IST1: variants seen among roughly 807,000 people sequenced by gnomAD.
IST1 encodes the protein IST1 factor associated with ESCRT-III, also known as IST1 homolog.
IST1 carries 23 observed loss-of-function variants against 37.0 expected under a neutral mutation model. The observed-to-expected ratio is 0.62, with a 90% CI of 0.45 to 0.88. IST1 has a LOEUF of 0.88. Among genes scored for constraint, IST1 ranks in the 40% least tolerant of loss-of-function variants. The pLI is 0.00. For missense variants in IST1, 488 were observed against 445.4 expected (o/e 1.10, Z -0.86); for synonymous variants, 180 against 161.7 (o/e 1.11, Z -0.86).
upstream of IST1, chr16:71,895,523 G>A (rs1298447659): frequency 8.1e-6 from 8 of 985,584 alleles, no homozygotes; most frequent in Non-Finnish European, 8.4e-6. Context: ...GAGGCCGAGG[G>A]AGTCGCCATT....
At chr16:71,911,881 C>T (rs1567466340) in intron 1 of IST1, among the ~76,000 whole-genome samples, 1 of 151,794 alleles carries the variant, frequency 6.6e-6, no homozygotes, top group African/African-American at 2.4e-5. Flanking sequence ...CATGCCATGG[C>T]GAATTTTTGT....
Position 71,900,525 on chromosome 16 carries a change from C to T in IST1, c.-16+4936C>T, listed in dbSNP as rs187201945. ...CAGGATGGGGAGGCTAACTAGCTCG[C>T]GAAGTCTCAGCGAGCTGAGTGATAA... On this transcript the variant is annotated intron_variant, in intron 1 of 9. Transcript: ENST00000378799. Among the ~76,000 whole-genome samples the T allele has an allele frequency of 3.0e-4, 46 of 151,870 alleles. 1 individual carries two copies. Among genetic ancestry groups the T allele is most frequent in the East Asian group, 7.7e-4 (4 of 5,164 alleles).
chr16:71,918,651 C>T lies in IST1; in HGVS notation c.357+1517C>T, dbSNP rs978645884. ...CAGGCTGGTCTCGAACTCCTGACCTCGTGATCCGCCTGCCTCGGCCTCCCA... is the reference window on the plus strand; with the variant it reads ...CAGGCTGGTCTCGAACTCCTGACCTTGTGATCCGCCTGCCTCGGCCTCCCA... On this transcript the variant is annotated intron_variant, in intron 4 of 9. Transcript: ENST00000378799. Among the ~76,000 whole-genome samples, 17 of 152,206 alleles carry T rather than the reference C, an allele frequency of 1.1e-4. 1 individual carries two copies. Among genetic ancestry groups the T allele is most frequent in the South Asian group, 4.1e-4 (2 of 4,824 alleles).
rs1030998549 is a variant in IST1 at position 71,907,631 on chromosome 16, T to C, written c.-15-7995T>C. Among the ~76,000 whole-genome samples the C allele has an allele frequency of 2.0e-5, 3 of 152,200 alleles. No homozygotes were observed. The East Asian group carries it at 5.8e-4, about 29-fold the overall frequency. On this transcript the variant is annotated intron_variant, in intron 1 of 9. Transcript: ENST00000378799. Reference sequence around the variant, plus strand: ...ATTAAGACATTAAGACCCCTTGCTGTTGTCCTACAGATCTGTAAGGCTTTG... The same window carrying C: ...ATTAAGACATTAAGACCCCTTGCTGCTGTCCTACAGATCTGTAAGGCTTTG...
upstream of IST1, chr16:71,894,724 T>G: frequency 3.9e-6 from 2 of 510,672 alleles, no homozygotes; most frequent in Non-Finnish European, 3.3e-6. Flanking sequence ...TTTGTAGCGA[T>G]GCGGTTTCAC....
intron 1 of IST1, among the ~76,000 whole-genome samples, chr16:71,897,165 C>T (rs534536049): frequency 1.4e-5 from 2 of 140,556 alleles, no homozygotes; most frequent in African/African-American, 2.6e-5. Flanking sequence ...TACAGGCCCA[C>T]GCCTGGCTTT....
chr16:71,894,929 G>A, upstream of IST1: 1 of 1,087,348 alleles, frequency 9.2e-7, no homozygotes, highest in South Asian at 1.3e-5. Context: ...GTGGTGCTGA[G>A]GAAACACTAC....
At chr16:71,897,172 CTTTTTTT>C (rs35671031) in intron 1 of IST1, among the ~76,000 whole-genome samples, 1 of 65,532 alleles carries the variant, frequency 1.5e-5, no homozygotes, top group Non-Finnish European at 2.8e-5. Flanking sequence ...CCACGCCTGG[CTTTTTTT>C]TTTTTTTTTT....
chr16:71,920,943 G>C (rs772837691), intron 5 of IST1, 121 bp downstream of exon 5: 2 of 770,694 alleles, frequency 2.6e-6, no homozygotes, highest in Non-Finnish European at 4.6e-6. Context: ...TTCATAGTGG[G>C]GTGAGGAGGA....
At chr16:71,895,858 C>T (rs1211121676) in intron 1 of IST1, among the ~76,000 whole-genome samples, 1 of 152,216 alleles carries the variant, frequency 6.6e-6, no homozygotes, top group African/African-American at 2.4e-5. Flanking sequence ...ATCCTCGAAG[C>T]CCCTTAACTT....
chr16:71,923,590 C>T (rs1597256479), intron 8 of IST1: 1 of 404,196 alleles, frequency 2.5e-6, no homozygotes, highest in East Asian at 4.7e-5. Context: ...GCTTTGTCTG[C>T]AATTAAGCCA....
upstream of IST1, chr16:71,894,917 CTG>C: frequency 8.4e-7 from 1 of 1,196,592 alleles, no homozygotes; most frequent in Non-Finnish European, 1.2e-6. Context: ...TCGCCAGAGA[CTG>C]TGGTGCTGAG....
At chr16:71,917,018 A>T (rs1395311571) in intron 3 of IST1, 29 bp from the exon 4 acceptor site, 1 of 1,436,242 alleles carries the variant, frequency 7.0e-7, no homozygotes, top group Admixed American at 1.9e-5. Flanking sequence ...GTTTTAAAGA[A>T]TGTTATATTA....
intron 9 of IST1, among the ~76,000 whole-genome samples, chr16:71,926,855 ATATAAAATAC>A (rs2037756722): frequency 6.6e-6 from 1 of 152,170 alleles, no homozygotes; most frequent in Admixed American, 6.5e-5. Context: ...CATGATCTTA[ATATAAAATAC>A]TAGATGGAAG....
intron 9 of IST1, among the ~76,000 whole-genome samples, chr16:71,925,596 G>A (rs1246841325): frequency 6.6e-6 from 1 of 152,116 alleles, no homozygotes; most frequent in Non-Finnish European, 1.5e-5. Context: ...TTACAGGCAT[G>A]AGCCACCGTG....
chr16:71,929,773 AAAT>A lies in IST1; in HGVS notation c.*1961_*1963del. On this transcript the variant is annotated 3_prime_UTR_variant, in exon 10 of 10. Transcript: ENST00000378799. ...TACCAAAGATTTTTAAAAAATTAGT[AAAT>A]GTAAAGATACTATTTCTTTAATAAT... 6 of 1,214,520 alleles carry A rather than the reference AAAT, an allele frequency of 4.9e-6. No individual in the cohort carries two copies. Among genetic ancestry groups the A allele is most frequent in the Non-Finnish European group, 6.8e-6 (6 of 884,390 alleles). 75.2% of individuals were successfully genotyped at this position (1,214,520 alleles called of 1,614,324 possible).
rs185582665 is a variant in IST1, at chr16:71,914,582, G to C, written c.-15-1044G>C. Among the ~76,000 whole-genome samples, 53 of 152,284 alleles carry C rather than the reference G, an allele frequency of 3.5e-4. No homozygotes were observed. The Middle Eastern group carries it at 0.031, about 88-fold the overall frequency. On this transcript the variant is annotated intron_variant, in intron 1 of 9. Transcript: ENST00000378799. Reference sequence around the variant, plus strand: ...AATTACTGGATTCCAGATACTTGATGACATAAATGCCCCATTTTAACCTGG... The same window carrying C: ...AATTACTGGATTCCAGATACTTGATCACATAAATGCCCCATTTTAACCTGG...
intron 1 of IST1, among the ~76,000 whole-genome samples, chr16:71,908,885 C>T (rs892141826): frequency 4.6e-5 from 7 of 152,108 alleles, no homozygotes; most frequent in African/African-American, 1.7e-4. Context: ...CATCCATCTG[C>T]TATTATTTTT....
At chr16:71,921,321 C>T (rs2037576928) in intron 5 of IST1, 22 bp from the exon 6 acceptor site, 3 of 1,457,858 alleles carry the variant, frequency 2.1e-6, no homozygotes, top group Non-Finnish European at 2.9e-6. Flanking sequence ...TGCATCTTAG[C>T]CCTGGGTCTT....
Sources: allele counts gnomAD v4.1 joint callset (sites outside exome capture counted in the v4.1 genomes callset), GRCh38; gene constraint gnomAD v4.1.1; transcripts MANE v1.5; gene names NCBI Gene and HGNC (gene_info 2026-07-23, HGNC 2026-07-21).